CCDC85A: variants seen among roughly 807,000 people sequenced by gnomAD.
The protein encoded by CCDC85A is coiled-coil domain-containing protein 85A.
In CCDC85A, 38 loss-of-function variants were observed where a neutral mutation model predicts 50.2. The ratio of observed to expected loss-of-function variants is 0.76; its 90% CI spans 0.58 to 0.99. CCDC85A has a LOEUF of 0.99. Among genes scored for constraint, CCDC85A ranks in the 50% least tolerant of loss-of-function variants. CCDC85A has a pLI of 0.00. For synonymous variants in CCDC85A, 366 were observed against 301.4 expected, an observed-to-expected ratio of 1.21 and a Z score of -2.22; for missense variants, 820 against 742.0, an observed-to-expected ratio of 1.11 and a Z score of -1.22.
At chr2:56,204,652 CAGGAGTTG>C in intron 2 of CCDC85A, among the ~76,000 whole-genome samples, 1 of 152,296 alleles carries the variant, frequency 6.6e-6, no homozygotes, top group Middle Eastern at 3.4e-3. Context: ...TGACTTCCTC[CAGGAGTTG>C]TGCATCTGGG....
At chr2:56,217,814 A>C (rs1055711879) in intron 2 of CCDC85A, among the ~76,000 whole-genome samples, 1 of 151,856 alleles carries the variant, frequency 6.6e-6, no homozygotes, top group Non-Finnish European at 1.5e-5. Context: ...GTACATGAAA[A>C]TCATGGCAAA....
chr2:56,184,801 C>G lies in CCDC85A; in HGVS notation c.177C>G (p.Ala59=), dbSNP rs1038354501. The change falls in exon 1 of 6, where the codon GCC becomes GCG. Residue 59 remains alanine (A), a synonymous_variant. Transcript: ENST00000407595. The stretch of plus-strand genomic sequence containing the variant: ...AGCTGATCCGCAGCCTGCGGCGCGC[C>G]GAGGCGGAGAAGGTGAGCGCGATGC... ...KEELIRSLRR[A]EAEKVSAMLD... The G allele has an allele frequency of 5.5e-5, 85 of 1,546,232 alleles. No homozygotes were observed. The highest frequency in any genetic ancestry group is 7.1e-5 in the Non-Finnish European group (81 of 1,146,082).
At chr2:56,228,559 G>A (rs531693076) in intron 2 of CCDC85A, among the ~76,000 whole-genome samples, 2 of 151,132 alleles carry the variant, frequency 1.3e-5, no homozygotes, top group Non-Finnish European at 2.9e-5. Context: ...TTGAGACAGA[G>A]TTTCGCTCTG....
intron 2 of CCDC85A, among the ~76,000 whole-genome samples, chr2:56,309,985 C>T (rs1183540103): frequency 1.3e-5 from 2 of 152,094 alleles, no homozygotes; most frequent in African/African-American, 4.8e-5. Flanking sequence ...TATATATTTG[C>T]ACAAGGCCCT....
intron 3 of CCDC85A, among the ~76,000 whole-genome samples, chr2:56,351,859 C>T (rs537540858): frequency 1.7e-4 from 26 of 150,080 alleles, no homozygotes; most frequent in African/African-American, 2.2e-4. Context: ...TAGTTTAATT[C>T]GATCCCATTT....
intron 2 of CCDC85A, among the ~76,000 whole-genome samples, chr2:56,306,155 G>A (rs754867809): frequency 6.6e-6 from 1 of 151,952 alleles, no homozygotes; most frequent in Non-Finnish European, 1.5e-5. Context: ...TTGAGATGGA[G>A]TCTCACTCTT....
Position 56,384,438 on chromosome 2 carries a change from C to G in CCDC85A, c.*83C>G, listed in dbSNP as rs1056361236. 3.5e-6 allele frequency: 4 copies of G among 1,143,618 alleles called. No homozygotes were observed. The African/African-American group carries it at 6.1e-5, about 18-fold the overall frequency. The allele number at this position is 1,143,618 out of a possible 1,614,324, so 70.8% of individuals were successfully genotyped here. A position where few individuals can be genotyped will look rare whatever the true frequency, so the allele number is the denominator to read the frequency against. ...AGAAAAAGGAAAGAGTGGGTTTCCA[C>G]AAACCTGGACTCATGGAATAACATG... On this transcript the variant is annotated 3_prime_UTR_variant, in exon 6 of 6. Transcript: ENST00000407595.
At position 56,235,624 on chromosome 2, in the gene CCDC85A, C is replaced by T. The variant is rs79256917; in HGVS notation, c.1240+42184C>T. On this transcript the variant is annotated intron_variant, in intron 2 of 5. Transcript: ENST00000407595. Reference sequence around the variant, plus strand: ...TGTATTGTGCACCTAATGCTGAGCACAGGCATCAGTGTCATAATATTCAGT... The same window carrying T: ...TGTATTGTGCACCTAATGCTGAGCATAGGCATCAGTGTCATAATATTCAGT... 3.8e-3 allele frequency among the ~76,000 whole-genome samples: 584 copies of T among 152,224 alleles called. 2 individuals are homozygous for T. Among genetic ancestry groups the T allele is most frequent in the African/African-American group, 0.014 (564 of 41,546 alleles).
intron 2 of CCDC85A, among the ~76,000 whole-genome samples, chr2:56,270,310 GA>G (rs969852228): frequency 6.6e-6 from 1 of 152,074 alleles, no homozygotes; most frequent in African/African-American, 2.4e-5. Context: ...TACCTAAAAA[GA>G]AAAAAATATG....
intron 2 of CCDC85A, among the ~76,000 whole-genome samples, chr2:56,252,654 T>C (rs1669815300): frequency 6.6e-6 from 1 of 152,142 alleles, no homozygotes; most frequent in African/African-American, 2.4e-5. Flanking sequence ...CAACCCGTCA[T>C]CTACATTAGG....
chr2:56,363,430 T>C (rs747700111), intron 3 of CCDC85A, among the ~76,000 whole-genome samples: 1 of 152,220 alleles, frequency 6.6e-6, no homozygotes, highest in Non-Finnish European at 1.5e-5. Flanking sequence ...ACCTACAGCC[T>C]AACTGGTAGC....
intron 2 of CCDC85A, among the ~76,000 whole-genome samples, chr2:56,285,382 G>T (rs1671391164): frequency 6.7e-6 from 1 of 149,576 alleles, no homozygotes; most frequent in African/African-American, 2.4e-5. Flanking sequence ...GGGATTATAG[G>T]CGTGAGCCAA....
At chr2:56,249,588 G>A (rs1328040738) in intron 2 of CCDC85A, among the ~76,000 whole-genome samples, 1 of 152,242 alleles carries the variant, frequency 6.6e-6, no homozygotes, top group African/African-American at 2.4e-5. Flanking sequence ...AGCTGCCTTT[G>A]CGTATGCAGC....
chr2:56,283,013 A>T (rs1312673564), intron 2 of CCDC85A, among the ~76,000 whole-genome samples: 2 of 152,200 alleles, frequency 1.3e-5, no homozygotes, highest in African/African-American at 4.8e-5. Flanking sequence ...CTTGTATCCT[A>T]CGACAATATT....
rs186117201 is a variant in CCDC85A, at chr2:56,309,509, G to A, written c.1241-33370G>A. ...GCTCAGAAAATAATGGTGATCCTAA[G>A]TGAGATGTGACAAGATTGTGTATAG... On this transcript the variant is annotated intron_variant, in intron 2 of 5. Transcript: ENST00000407595. Among the ~76,000 whole-genome samples, 4 of 152,300 alleles carry A rather than the reference G, an allele frequency of 2.6e-5. No individual in the cohort carries two copies. In the East Asian group the frequency reaches 7.7e-4, roughly 29 times the overall value.
chr2:56,188,636 G>A (rs7423933), intron 1 of CCDC85A, among the ~76,000 whole-genome samples: 103,974 of 152,158 alleles, frequency 0.68, 35,924 homozygotes, highest in Non-Finnish European at 0.74. Flanking sequence ...AATTTTCTTT[G>A]TTATTGTTTT....
At chr2:56,201,688 A>T (rs981423517) in intron 2 of CCDC85A, among the ~76,000 whole-genome samples, 3 of 152,170 alleles carry the variant, frequency 2.0e-5, no homozygotes, top group African/African-American at 7.2e-5. Flanking sequence ...GGTAGTGAAT[A>T]TGTACATGCA....
At chr2:56,241,401 A>G (rs1314306239) in intron 2 of CCDC85A, among the ~76,000 whole-genome samples, 2 of 152,096 alleles carry the variant, frequency 1.3e-5, no homozygotes, top group Non-Finnish European at 2.9e-5. Context: ...GCGTTGTGCT[A>G]TCAAATACCA....
intron 3 of CCDC85A, among the ~76,000 whole-genome samples, chr2:56,349,778 G>A (rs1674815439): frequency 1.3e-5 from 2 of 152,028 alleles, no homozygotes; most frequent in South Asian, 2.1e-4. Flanking sequence ...TAATAGTGTT[G>A]CCTTTTTATA....
Sources: allele counts gnomAD v4.1 joint callset (sites outside exome capture counted in the v4.1 genomes callset), GRCh38; gene constraint gnomAD v4.1.1; transcripts MANE v1.5; gene names NCBI Gene and HGNC (gene_info 2026-07-23, HGNC 2026-07-21).